The following KIF5A variants were observed in gnomAD, a reference collection of about 807,000 sequenced individuals.
The protein encoded by KIF5A is kinesin family member 5A.
A neutral mutation model predicts 141.3 loss-of-function variants in KIF5A; 35 were observed. The observed-to-expected ratio is 0.25, with a 90% CI of 0.19 to 0.33. The LOEUF (loss-of-function observed/expected upper bound fraction) is 0.33, where lower values mean the gene tolerates loss of function less well. Ranked by LOEUF, KIF5A falls within the 10% of genes least tolerant of loss-of-function variation. The pLI, the probability that KIF5A is intolerant of heterozygous loss-of-function variation, is 1.00. For synonymous variants in KIF5A, 448 were observed against 500.2 expected, an observed-to-expected ratio of 0.90 and a Z score of 1.39; for missense variants, 861 against 1,314.3, an observed-to-expected ratio of 0.66 and a Z score of 5.33.
chr12:57,559,944 T>A (rs990842007), intron 1 of KIF5A, among the ~76,000 whole-genome samples: 1 of 152,228 alleles, frequency 6.6e-6, no homozygotes, highest in Admixed American at 6.5e-5. Flanking sequence ...CAGGCTGGAG[T>A]GCGGTGGCGC....
chr12:57,575,454 G>A (rs1046870029), intron 16 of KIF5A, among the ~76,000 whole-genome samples, 182 bp downstream of exon 16: 10 of 152,172 alleles, frequency 6.6e-5, no homozygotes, highest in Non-Finnish European at 7.3e-5. Flanking sequence ...GGCTCAGGGC[G>A]GGTACTGCCC....
At chr12:57,559,798 C>T (rs190004349) in intron 1 of KIF5A, among the ~76,000 whole-genome samples, 83 of 152,268 alleles carry the variant, frequency 5.5e-4, no homozygotes, top group African/African-American at 1.9e-3. Context: ...GGGAGTAATA[C>T]AGTATGTGCT....
intron 1 of KIF5A, among the ~76,000 whole-genome samples, chr12:57,552,871 G>A (rs941771967): frequency 6.6e-6 from 1 of 152,068 alleles, no homozygotes; most frequent in African/African-American, 2.4e-5. Context: ...GCAGCACTGC[G>A]GCCAGCGCTG....
intron 19 of KIF5A, 65 bp from the exon 20 acceptor site, chr12:57,576,695 TG>T: frequency 8.6e-7 from 1 of 1,165,704 alleles, no homozygotes; most frequent in Non-Finnish European, 1.3e-6. Flanking sequence ...TTTGAAGAGC[TG>T]GCCTTCCCTT....
Position 57,572,928 on chromosome 12 carries a change from C to T in KIF5A, c.1716+202C>T, listed in dbSNP as rs898194926. Among the ~76,000 whole-genome samples, 4 of 152,166 alleles carry T rather than the reference C, an allele frequency of 2.6e-5. No individual in the cohort carries two copies. The highest frequency in any genetic ancestry group is 2.1e-4 in the South Asian group (1 of 4,824). Reference sequence around the variant, plus strand: ...TTCTAGGTTGGGCGCAGTGGCTCACCGCTGTAATCCCAGCACTTTGGGAGG... The same window carrying T: ...TTCTAGGTTGGGCGCAGTGGCTCACTGCTGTAATCCCAGCACTTTGGGAGG... On this transcript the variant is annotated intron_variant, in intron 15 of 28. Transcript: ENST00000455537. This position sits in a 1 kb window ranked among gnomAD's most constrained non-coding sequence, Gnocchi z 4.2.
intron 6 of KIF5A, among the ~76,000 whole-genome samples, chr12:57,565,578 A>G (rs1882039345): frequency 6.6e-6 from 1 of 151,908 alleles, no homozygotes; most frequent in South Asian, 2.1e-4. Context: ...GTTCAAGATC[A>G]GCCTGGCCAA....
intron 5 of KIF5A, 44 bp from the exon 6 acceptor site, chr12:57,564,874 G>A (rs371389904): frequency 2.5e-5 from 39 of 1,578,916 alleles, no homozygotes; most frequent in Admixed American, 1.0e-4. Flanking sequence ...AGATGGGGGC[G>A]GTGGAAGTAC....
intron 1 of KIF5A, among the ~76,000 whole-genome samples, chr12:57,557,349 A>C (rs1190822773): frequency 6.6e-6 from 1 of 152,178 alleles, no homozygotes; most frequent in Non-Finnish European, 1.5e-5. Flanking sequence ...ATTGAGGTAG[A>C]TTACAATTTA....
chr12:57,578,465 C>T, intron 23 of KIF5A, 123 bp downstream of exon 23: 1 of 722,036 alleles, frequency 1.4e-6, no homozygotes, highest in Non-Finnish European at 2.5e-6. Context: ...TTCGCTTTTA[C>T]TTTCCCTACT....
rs1881543621 is a variant in KIF5A, at chr12:57,550,641, C to T, written c.129+241C>T. On this transcript the variant is annotated intron_variant, in intron 1 of 28. Transcript: ENST00000455537. This position sits in a 1 kb window ranked among gnomAD's most constrained non-coding sequence, Gnocchi z 4.6. ...GCTTTCCTACCTTCGGGAGATCCAA[C>T]TCCCCTTTGCTGCTGTCTGCAGCGT... is the stretch of plus-strand genomic sequence containing the variant. 6.6e-6 allele frequency among the ~76,000 whole-genome samples: 1 copy of T among 152,220 alleles called. No individual in the cohort carries two copies. The highest frequency in any genetic ancestry group is 1.9e-4 in the East Asian group (1 of 5,188).
Position 57,572,472 on chromosome 12 carries a change from C to T in KIF5A, c.1570-108C>T. The stretch of plus-strand genomic sequence containing the variant: ...CAGACTCTTCTGCAGGGCCTGTGTT[C>T]TCTTCATAGCAGCCCTCAGGGTCTT... On this transcript the variant is annotated intron_variant, in intron 14 of 28. Coordinates refer to ENST00000455537, the MANE Select transcript of KIF5A (RefSeq NM_004984.4). The surrounding 1 kb of genome is among the most constrained non-coding windows in gnomAD (Gnocchi z 4.2). The T allele has an allele frequency of 3.4e-6, 5 of 1,466,328 alleles. No individual in the cohort carries two copies. The highest frequency in any genetic ancestry group is 4.7e-6 in the Non-Finnish European group (5 of 1,062,810). The allele number at this position is 1,466,328 out of a possible 1,614,324, so 90.8% of individuals were successfully genotyped here. A position where few individuals can be genotyped will look rare whatever the true frequency, so the allele number is the denominator to read the frequency against.
intron 12 of KIF5A, 73 bp downstream of exon 12, chr12:57,570,235 A>T: frequency 1.4e-6 from 2 of 1,386,188 alleles, no homozygotes; most frequent in Non-Finnish European, 1.0e-6. Context: ...AAAATCGCTT[A>T]TATTGCCTCT....
chr12:57,563,924 A>G (rs541574148), intron 3 of KIF5A, among the ~76,000 whole-genome samples, 184 bp from the exon 4 acceptor site: 1 of 152,282 alleles, frequency 6.6e-6, no homozygotes, highest in Admixed American at 6.5e-5. Flanking sequence ...GGGAAAAGCA[A>G]TGGAAGTCCA....
chr12:57,572,115 C>T lies in KIF5A; in HGVS notation c.1417C>T (p.Leu473=). 6.2e-7 allele frequency: 1 copy of T among 1,614,122 alleles called. No individual in the cohort carries two copies. The stretch of plus-strand genomic sequence containing the variant: ...GAAGGTCCAGCGGGAGCTGAGCCAC[C>T]TGCAATCAGAGAACGATGCCGCTAA... ...NEKVQRELSH[L]QSENDAAKDE... Residue 473 remains leucine (L), a synonymous_variant, in exon 14 of 29, where the codon CTG becomes TTG. Transcript: ENST00000455537. The surrounding 1 kb of genome is among the most constrained non-coding windows in gnomAD (Gnocchi z 4.2).
rs779426030 is a variant in KIF5A, at chr12:57,578,341, A to G, written c.2537A>G (p.Gln846Arg). 6.2e-7 allele frequency: 1 copy of G among 1,609,200 alleles called. No homozygotes were observed. The highest frequency in any genetic ancestry group is 8.5e-7 in the Non-Finnish European group (1 of 1,175,444). ...GAACAGCTTACAAAGGTTCACAAAC[A>G]GGTAAGAGTCTGCTGAAGGAGTGAA... is the stretch of plus-strand genomic sequence containing the variant. ...NLEQLTKVHK[Q>R]LVRDNADLRC... is the part of the protein sequence containing the mutation. The change falls in exon 23 of 29, where the codon CAG becomes CGG. Residue 846 changes from glutamine to arginine, a missense_variant and splice_region_variant. By Grantham distance (43) the Gln-to-Arg change is conservative. Transcript: ENST00000455537.
intron 7 of KIF5A, 111 bp downstream of exon 7, chr12:57,567,324 G>A: frequency 8.0e-7 from 1 of 1,247,350 alleles, no homozygotes; most frequent in Admixed American, 1.8e-5. Context: ...CCCCAGAGGA[G>A]GAGGACCCCT....
In KIF5A at chr12:57,584,928, G is replaced by A. The variant is rs1258888126; in HGVS notation, c.*747G>A. 1 of 152,080 alleles carries A rather than the reference G, an allele frequency of 6.6e-6. No individual in the cohort carries two copies. The highest frequency in any genetic ancestry group is 1.5e-5 in the Non-Finnish European group (1 of 68,030). The allele number at this position is 152,080 out of a possible 1,614,324, so 9.4% of individuals were successfully genotyped here. ...CTTCAAGCTCCTTTTGATATTCCCT[G>A]CCCCAGAGCTCATGACCAGAACCCA... On this transcript the variant is annotated 3_prime_UTR_variant, in exon 29 of 29. Coordinates refer to ENST00000455537, the MANE Select transcript of KIF5A (RefSeq NM_004984.4).
At chr12:57,573,803 G>A (rs1480743145) in intron 15 of KIF5A, among the ~76,000 whole-genome samples, 1 of 149,222 alleles carries the variant, frequency 6.7e-6, no homozygotes, top group Non-Finnish European at 1.5e-5. Context: ...ACTCCAGCCT[G>A]GGCAACAAGA....
chr12:57,582,086 A>ACC lies in KIF5A; in HGVS notation c.2992+134_2992+135insCC. ...TGTGCCAAGGCTTCAAATAAAAAAA[A>ACC]AAATACATATAGCCAGGTGTGGTGG... On this transcript the variant is annotated intron_variant, in intron 26 of 28. Transcript: ENST00000455537. 3.1e-5 allele frequency: 23 copies of ACC among 752,050 alleles called. No homozygotes were observed. The South Asian group carries it at 3.3e-4, about 11-fold the overall frequency. The allele number at this position is 752,050 out of a possible 1,614,324, so 46.6% of individuals were successfully genotyped here.
Sources: allele counts gnomAD v4.1 joint callset (sites outside exome capture counted in the v4.1 genomes callset), GRCh38; gene constraint gnomAD v4.1.1; non-coding constraint Gnocchi (gnomAD v3.1); transcripts MANE v1.5; gene names NCBI Gene and HGNC (gene_info 2026-07-23, HGNC 2026-07-21).